The following RBFOX3 variants were observed in gnomAD, a reference collection of about 807,000 sequenced individuals.
The protein encoded by RBFOX3 is RNA binding fox-1 homolog 3.
In RBFOX3, 17 loss-of-function variants were observed where a neutral mutation model predicts 48.7. The ratio of observed to expected loss-of-function variants is 0.35; its 90% CI spans 0.24 to 0.52. The LOEUF (loss-of-function observed/expected upper bound fraction) is 0.52, where lower values mean the gene tolerates loss of function less well. RBFOX3 is among the 20% of genes least tolerant of loss of function. RBFOX3 has a pLI of 0.94. For synonymous variants in RBFOX3, 212 were observed against 209.5 expected (o/e 1.01, Z -0.10); for missense variants, 382 against 497.5 (o/e 0.77, Z 2.21).
At chr17:79,582,614 C>T (rs1334733465) in intron 1 of RBFOX3, among the ~76,000 whole-genome samples, 1 of 151,898 alleles carries the variant, frequency 6.6e-6, no homozygotes, top group African/African-American at 2.4e-5. Flanking sequence ...ACCATCCTGG[C>T]AACAAAGACC....
At chr17:79,453,809 T>G (rs1211819438) in intron 2 of RBFOX3, among the ~76,000 whole-genome samples, 1 of 152,086 alleles carries the variant, frequency 6.6e-6, no homozygotes, top group Non-Finnish European at 1.5e-5. Flanking sequence ...CAGGTCCCCA[T>G]GCAAAGCTGC....
intron 3 of RBFOX3, among the ~76,000 whole-genome samples, chr17:79,241,310 G>A (rs543269423): frequency 3.6e-4 from 54 of 152,086 alleles, no homozygotes; most frequent in African/African-American, 1.0e-3. Flanking sequence ...CATGGCATCC[G>A]GCCTGTTTCG....
At chr17:79,182,732 T>A (rs937069088) in intron 4 of RBFOX3, among the ~76,000 whole-genome samples, 35 of 140,872 alleles carry the variant, frequency 2.5e-4, no homozygotes, top group Admixed American at 7.7e-4. Context: ...CGGCCAGAGC[T>A]CCTGGGGCCT....
chr17:79,603,365 C>T (rs1242240272), intron 1 of RBFOX3, among the ~76,000 whole-genome samples: 6 of 152,298 alleles, frequency 3.9e-5, no homozygotes, highest in African/African-American at 1.4e-4. Flanking sequence ...TGAGGGGACA[C>T]AGCACAGGCA....
Position 79,420,128 on chromosome 17 carries a change from T to TACACACACACACACAC in RBFOX3, c.-175+62310_-175+62325dup, listed in dbSNP as rs58282867. 6.1e-3 allele frequency among the ~76,000 whole-genome samples: 701 copies of TACACACACACACACAC among 114,264 alleles called. 19 individuals are homozygous for TACACACACACACACAC. Among genetic ancestry groups the TACACACACACACACAC allele is most frequent in the African/African-American group, 0.022 (619 of 28,268 alleles). The allele number at this position is 114,264 out of a possible 152,430, so 75.0% of individuals were successfully genotyped here. Reference sequence around the variant, plus strand: ...GGCAACAGAGCAAGACTCCGTCTCATACACACACACACACACACACACACA... The same window carrying TACACACACACACACAC: ...GGCAACAGAGCAAGACTCCGTCTCATACACACACACACACACACACACACACACACACACACACACA... On this transcript the variant is annotated intron_variant, in intron 2 of 14. Transcript: ENST00000693108.
At chr17:79,219,646 T>G (rs2059472669) in intron 4 of RBFOX3, among the ~76,000 whole-genome samples, 2 of 150,252 alleles carry the variant, frequency 1.3e-5, no homozygotes, top group African/African-American at 2.4e-5. Context: ...GGCTGCAGAG[T>G]GGGGGCGCCT....
In RBFOX3 at chr17:79,392,066, T is replaced by G. The variant is rs2061441708; in HGVS notation, c.-174-84242A>C. On this transcript the variant is annotated intron_variant, in intron 2 of 14. Transcript: ENST00000693108. The surrounding 1 kb of genome is among the most constrained non-coding windows in gnomAD (Gnocchi z 5.0). Reference sequence around the variant, plus strand: ...CCGACAAGCAACAGGGTTCCCATAGTGCCCGGGCACTTCGGACCCGCTGCG... The same window carrying G: ...CCGACAAGCAACAGGGTTCCCATAGGGCCCGGGCACTTCGGACCCGCTGCG... Among the ~76,000 whole-genome samples the G allele has an allele frequency of 6.6e-6, 1 of 152,344 alleles. No homozygotes were observed. Among genetic ancestry groups the G allele is most frequent in the Admixed American group, 6.5e-5 (1 of 15,302 alleles).
chr17:79,447,849 C>T (rs2072648654), intron 2 of RBFOX3, among the ~76,000 whole-genome samples: 1 of 152,180 alleles, frequency 6.6e-6, no homozygotes, highest in Non-Finnish European at 1.5e-5. Context: ...GCATGTCAAA[C>T]TGTAATCCCT....
chr17:79,295,498 G>C (rs117784840), intron 3 of RBFOX3, among the ~76,000 whole-genome samples: 3,566 of 152,306 alleles, frequency 0.023, 58 homozygotes, highest in Middle Eastern at 0.041. Flanking sequence ...GCGCCTTCCA[G>C]CTCAGGGAAG....
chr17:79,574,157 G>A (rs954798776), intron 1 of RBFOX3, among the ~76,000 whole-genome samples: 3 of 152,178 alleles, frequency 2.0e-5, no homozygotes, highest in Non-Finnish European at 4.4e-5. Context: ...TCAACCCTTA[G>A]GATTAAGGGT....
In RBFOX3 at chr17:79,356,059, A is replaced by G. The variant is rs115704645; in HGVS notation, c.-174-48235T>C. Among the ~76,000 whole-genome samples the G allele has an allele frequency of 3.1e-3, 474 of 152,284 alleles. 3 individuals carry two copies. The highest frequency in any genetic ancestry group is 0.01 in the African/African-American group (426 of 41,536). On this transcript the variant is annotated intron_variant, in intron 2 of 14. Transcript: ENST00000693108. ...AACTCTTTCCCCTCTCCTGAATTAG[A>G]GCATGAATGTGGGGATGTGCTTTGG...
rs1484650337 is a variant in RBFOX3, at chr17:79,362,837, C to A, written c.-174-55013G>T. 6.6e-6 allele frequency among the ~76,000 whole-genome samples: 1 copy of A among 152,160 alleles called. No individual in the cohort carries two copies. Among genetic ancestry groups the A allele is most frequent in the Non-Finnish European group, 1.5e-5 (1 of 68,004 alleles). On this transcript the variant is annotated intron_variant, in intron 2 of 14. Coordinates refer to ENST00000693108, the MANE Select transcript of RBFOX3 (RefSeq NM_001350451.2). The surrounding 1 kb of genome is among the most constrained non-coding windows in gnomAD (Gnocchi z 4.2). ...GGGGTAAAGCGGGAACATCAGACAACCCTGAACGCCCGGCTCTGTGTGCAG... is the reference window on the plus strand; with the variant it reads ...GGGGTAAAGCGGGAACATCAGACAAACCTGAACGCCCGGCTCTGTGTGCAG...
At chr17:79,586,645 G>A (rs2093258850) in intron 1 of RBFOX3, among the ~76,000 whole-genome samples, 1 of 152,200 alleles carries the variant, frequency 6.6e-6, no homozygotes, top group Non-Finnish European at 1.5e-5. Flanking sequence ...GAGCTACTTG[G>A]TGAGATCTTC....
chr17:79,626,207 G>A, the RBFOX3 span, among the ~76,000 whole-genome samples: 2 of 152,172 alleles, frequency 1.3e-5, no homozygotes, highest in Admixed American at 6.5e-5. Flanking sequence ...AGGTGGACCA[G>A]AAACTTCCCT....
intron 2 of RBFOX3, among the ~76,000 whole-genome samples, chr17:79,478,313 C>T (rs1041185941): frequency 6.6e-5 from 10 of 152,146 alleles, no homozygotes; most frequent in African/African-American, 1.7e-4. Flanking sequence ...GGGTGGGGGC[C>T]GGGGTGGATG....
chr17:79,324,704 T>C (rs2079046092), intron 2 of RBFOX3, among the ~76,000 whole-genome samples: 1 of 152,118 alleles, frequency 6.6e-6, no homozygotes, highest in South Asian at 2.1e-4. Context: ...GTGGGGAGCC[T>C]GGATAGGGGA....
chr17:79,650,986 T>C, the RBFOX3 span, among the ~76,000 whole-genome samples: 1 of 152,164 alleles, frequency 6.6e-6, no homozygotes, highest in South Asian at 2.1e-4. Context: ...TCGCCTGAGG[T>C]GGGGCATAAA....
At chr17:79,098,190 C>T (rs980925011) in intron 9 of RBFOX3, 4 of 171,634 alleles carry the variant, frequency 2.3e-5, no homozygotes, top group Non-Finnish European at 2.5e-5. Flanking sequence ...GCAGGAAAGG[C>T]GCTTGGACTC....
At chr17:79,498,020 G>A (rs935759268) in intron 1 of RBFOX3, among the ~76,000 whole-genome samples, 7 of 152,344 alleles carry the variant, frequency 4.6e-5, no homozygotes, top group Non-Finnish European at 8.8e-5. Context: ...GGGTGCTGAG[G>A]AGCAGACAAA....
Sources: allele counts gnomAD v4.1 joint callset (sites outside exome capture counted in the v4.1 genomes callset), GRCh38; gene constraint gnomAD v4.1.1; non-coding constraint Gnocchi (gnomAD v3.1); transcripts MANE v1.5; gene names NCBI Gene and HGNC (gene_info 2026-07-23, HGNC 2026-07-21).